Variants in TRPM3 observed in about 807,000 individuals in gnomAD.
The protein encoded by TRPM3 is long transient receptor potential channel 3.
In TRPM3, 77 loss-of-function variants were observed where a neutral mutation model predicts 181.2. The ratio of observed to expected loss-of-function variants is 0.42; its 90% CI spans 0.35 to 0.51. TRPM3 has a LOEUF of 0.51. Among genes scored for constraint, TRPM3 ranks in the 20% least tolerant of loss-of-function variants. TRPM3 has a pLI of 0.01. For missense variants in TRPM3, 1,759 were observed against 2,196.7 expected, an observed-to-expected ratio of 0.80 and a Z score of 3.98; for synonymous variants, 745 against 796.4, an observed-to-expected ratio of 0.94 and a Z score of 1.09.
At chr9:70,850,541 T>C (rs2095184724) in intron 3 of TRPM3, among the ~76,000 whole-genome samples, 1 of 152,166 alleles carries the variant, frequency 6.6e-6, no homozygotes, top group South Asian at 2.1e-4. Flanking sequence ...TCCAAACTCA[T>C]CAAGTTGCAT....
Position 70,619,109 on chromosome 9 carries a change from T to C in TRPM3, c.2130-14A>G. The C allele has an allele frequency of 1.2e-6, 2 of 1,607,726 alleles. No individual in the cohort carries two copies. Among genetic ancestry groups the C allele is most frequent in the Non-Finnish European group, 1.7e-6 (2 of 1,176,506 alleles). On this transcript the variant is annotated splice_polypyrimidine_tract_variant and intron_variant, in intron 16 of 25. Coordinates refer to ENST00000677713, the MANE Select transcript of TRPM3 (RefSeq NM_001366145.2). ...TGGCCAAAGTCTCTGAAAGACAGAA[T>C]GGGTGGAAGAGTCCTTCAGGTCAGC... is the stretch of plus-strand genomic sequence containing the variant.
chr9:70,872,289 A>C (rs1158954859), intron 1 of TRPM3, among the ~76,000 whole-genome samples: 1 of 151,890 alleles, frequency 6.6e-6, no homozygotes, highest in Non-Finnish European at 1.5e-5. Flanking sequence ...CTTGGTATAG[A>C]AAAAAGGGGT....
intron 18 of TRPM3, 73 bp downstream of exon 18, chr9:70,615,835 T>C (rs2062700598): frequency 6.8e-7 from 1 of 1,460,914 alleles, no homozygotes; most frequent in Non-Finnish European, 9.2e-7. Flanking sequence ...AGTTACTGAA[T>C]CTTGAGCATA....
At chr9:71,101,397 T>C (rs1184343936) in intron 1 of TRPM3, among the ~76,000 whole-genome samples, 1 of 152,126 alleles carries the variant, frequency 6.6e-6, no homozygotes, top group Non-Finnish European at 1.5e-5. Flanking sequence ...TAGGAAAATG[T>C]GCCAAAGCAA....
In TRPM3 at chr9:70,912,063, T is replaced by C. The variant is rs538045234; in HGVS notation, c.178-47552A>G. On this transcript the variant is annotated intron_variant, in intron 1 of 25. Coordinates refer to ENST00000677713, the MANE Select transcript of TRPM3 (RefSeq NM_001366145.2). Reference sequence around the variant, plus strand: ...GTCTAAAGAAAGAAAAGAGTAACTATGGGTCAAAATAATCAGTGTGGATTC... The same window carrying C: ...GTCTAAAGAAAGAAAAGAGTAACTACGGGTCAAAATAATCAGTGTGGATTC... Among the ~76,000 whole-genome samples the C allele has an allele frequency of 4.6e-5, 7 of 152,294 alleles. No homozygotes were observed. The South Asian group carries it at 1.5e-3, about 32-fold the overall frequency.
chr9:70,880,130 CAAT>C (rs1364625815), intron 1 of TRPM3, among the ~76,000 whole-genome samples: 1 of 152,038 alleles, frequency 6.6e-6, no homozygotes, highest in Admixed American at 6.6e-5. Context: ...CTGTGCCTTC[CAAT>C]TAATATTTCA....
chr9:71,099,610 C>G (rs771602953), intron 1 of TRPM3, among the ~76,000 whole-genome samples: 7 of 151,798 alleles, frequency 4.6e-5, no homozygotes, highest in African/African-American at 1.5e-4. Flanking sequence ...TAGATGGGTT[C>G]CCCCCCTCAA....
chr9:70,614,315 TAA>T (rs11324706), intron 18 of TRPM3, among the ~76,000 whole-genome samples: 1,865 of 126,592 alleles, frequency 0.015, 30 homozygotes, highest in African/African-American at 0.04. Flanking sequence ...GGCAATCTCT[TAA>T]AAAAAAAAAA....
At chr9:71,017,980 A>G (rs1384869431) in intron 1 of TRPM3, among the ~76,000 whole-genome samples, 1 of 151,946 alleles carries the variant, frequency 6.6e-6, no homozygotes, top group African/African-American at 2.4e-5. Flanking sequence ...TGTAAATGTT[A>G]TGATCACAGA....
intron 1 of TRPM3, among the ~76,000 whole-genome samples, chr9:71,080,512 T>C (rs529543680): frequency 5.3e-5 from 8 of 152,296 alleles, no homozygotes; most frequent in African/African-American, 1.9e-4. Flanking sequence ...AAGTTTATTT[T>C]GTGATGTGGA....
intron 1 of TRPM3, among the ~76,000 whole-genome samples, chr9:71,077,268 G>C (rs980595987): frequency 1.4e-5 from 2 of 145,036 alleles, no homozygotes; most frequent in Admixed American, 1.4e-4. Flanking sequence ...GTACTTCTAG[G>C]TTTGGAAATC....
intron 1 of TRPM3, among the ~76,000 whole-genome samples, chr9:70,971,903 CAACCAGGATGACTGTA>C (rs2133929784): frequency 6.6e-6 from 1 of 152,232 alleles, no homozygotes; most frequent in South Asian, 2.1e-4. Context: ...AACTTCACAC[CAACCAGGATGACTGTA>C]ATGAAAAAGA....
At chr9:70,743,143 G>A (rs920513450) in intron 8 of TRPM3, among the ~76,000 whole-genome samples, 1 of 152,144 alleles carries the variant, frequency 6.6e-6, no homozygotes, top group Admixed American at 6.5e-5. Context: ...AGTACATTTG[G>A]TTAGACTAGA....
intron 1 of TRPM3, among the ~76,000 whole-genome samples, chr9:70,893,006 T>C (rs541158381): frequency 2.1e-4 from 32 of 152,276 alleles, no homozygotes; most frequent in African/African-American, 7.7e-4. Flanking sequence ...CAACATGAGA[T>C]AGCATTTTAA....
chr9:71,386,006 G>A (rs1366532786), intron 1 of TRPM3, among the ~76,000 whole-genome samples: 1 of 151,954 alleles, frequency 6.6e-6, no homozygotes, highest in Non-Finnish European at 1.5e-5. Flanking sequence ...CACACCTGCT[G>A]AGTCTTAGAA....
chr9:71,105,344 T>C (rs2134118142), intron 1 of TRPM3, among the ~76,000 whole-genome samples: 1 of 152,238 alleles, frequency 6.6e-6, no homozygotes, highest in East Asian at 1.9e-4. Context: ...CAAAGGTTAT[T>C]ATCTTCCCAA....
chr9:70,635,069 A>G lies in TRPM3; in HGVS notation c.1632+142T>C, dbSNP rs1000988689. On this transcript the variant is annotated intron_variant, in intron 12 of 25. Coordinates refer to ENST00000677713, the MANE Select transcript of TRPM3 (RefSeq NM_001366145.2). Reference sequence around the variant, plus strand: ...AGAGTTAAAAGACACATACACACACACACACACACACACTGTTCTGAAATG... The same window carrying G: ...AGAGTTAAAAGACACATACACACACGCACACACACACACTGTTCTGAAATG... The G allele has an allele frequency of 6.2e-6, 4 of 640,136 alleles. No individual in the cohort carries two copies. The African/African-American group carries it at 7.3e-5, about 12-fold the overall frequency. The allele number at this position is 640,136 out of a possible 1,614,324, so 39.7% of individuals were successfully genotyped here.
intron 1 of TRPM3, among the ~76,000 whole-genome samples, chr9:71,405,710 TTCTCCTTTCGTGCTTATAAAATTATCAAC>T (rs1480197981): frequency 1.8e-4 from 27 of 152,366 alleles, no homozygotes; most frequent in African/African-American, 6.0e-4. Flanking sequence ...CTGATGGTTC[TTCTCCTTTCGTGCTTATAAAATTATCAAC>T]TCTATTTGTC....
intron 8 of TRPM3, among the ~76,000 whole-genome samples, chr9:70,747,180 TCAGA>T (rs1247550079): frequency 4.6e-5 from 7 of 152,130 alleles, no homozygotes; most frequent in Non-Finnish European, 1.0e-4. Flanking sequence ...GAATAATGAA[TCAGA>T]CAGATTCTGC....
Sources: allele counts gnomAD v4.1 joint callset (sites outside exome capture counted in the v4.1 genomes callset), GRCh38; gene constraint gnomAD v4.1.1; transcripts MANE v1.5; gene names NCBI Gene and HGNC (gene_info 2026-07-23, HGNC 2026-07-21).